AEBP2: variants seen among roughly 807,000 people sequenced by gnomAD.
The protein encoded by AEBP2 is zinc finger protein AEBP2.
In AEBP2, 10 loss-of-function variants were observed where a neutral mutation model predicts 50.8. The ratio of observed to expected loss-of-function variants is 0.20; its 90% CI spans 0.12 to 0.33. The LOEUF is 0.33. Among genes scored for constraint, AEBP2 ranks in the 10% least tolerant of loss-of-function variants. The pLI is 1.00. For missense variants in AEBP2, 570 were observed against 688.0 expected (o/e 0.83, Z 1.92); for synonymous variants, 296 against 261.3 (o/e 1.13, Z -1.28).
At chr12:19,509,816 CTTTCTTTTTT>C (rs1949206791) in intron 5 of AEBP2, among the ~76,000 whole-genome samples, 1 of 121,066 alleles carries the variant, frequency 8.3e-6, no homozygotes. Context: ...AACATGGCTA[CTTTCTTTTTT>C]TTTTTTTTTT....
chr12:19,456,630 A>G lies in AEBP2; in HGVS notation c.672-5880A>G, dbSNP rs796925489. 3.3e-6 allele frequency: 5 copies of G among 1,525,748 alleles called. No individual in the cohort carries two copies. In the South Asian group the frequency reaches 4.5e-5, roughly 14 times the overall value. The allele number at this position is 1,525,748 out of a possible 1,614,324, so 94.5% of individuals were successfully genotyped here. On this transcript the variant is annotated intron_variant, in intron 1 of 7. Coordinates refer to ENST00000266508, the MANE Select transcript of AEBP2 (RefSeq NM_153207.5). ...CTGAGCAGTGAAGCCAGCCGCTTCC[A>G]TTGGTGGGTCATCTTTGCTGTCACC...
At chr12:19,514,860 C>G (rs1203478352) in intron 7 of AEBP2, 76 bp downstream of exon 7, 5 of 1,136,322 alleles carry the variant, frequency 4.4e-6, no homozygotes, top group Non-Finnish European at 6.3e-6. Flanking sequence ...TAAATTAGGA[C>G]TTAGTTTTAA....
At chr12:19,497,436 A>G (rs2120486303) in intron 4 of AEBP2, among the ~76,000 whole-genome samples, 1 of 137,732 alleles carries the variant, frequency 7.3e-6, no homozygotes, top group African/African-American at 2.8e-5. Context: ...TTAGGTTGTC[A>G]GTTTGTGATC....
chr12:19,511,296 C>A (rs1219846822), intron 5 of AEBP2, among the ~76,000 whole-genome samples: 3 of 152,192 alleles, frequency 2.0e-5, no homozygotes, highest in African/African-American at 7.2e-5. Flanking sequence ...ATTAATGCTG[C>A]TGGTGCACAG....
chr12:19,492,764 C>G (rs1418608499), intron 3 of AEBP2, among the ~76,000 whole-genome samples: 1 of 152,060 alleles, frequency 6.6e-6, no homozygotes, highest in Non-Finnish European at 1.5e-5. Context: ...CCCAGGAGTT[C>G]AGGACCAGCT....
chr12:19,454,577 T>C (rs967787611), intron 1 of AEBP2, among the ~76,000 whole-genome samples: 1 of 152,208 alleles, frequency 6.6e-6, no homozygotes, highest in Non-Finnish European at 1.5e-5. Flanking sequence ...AATTCTGAAA[T>C]TCGTAGATTT....
rs1949351798 is a variant in AEBP2, at chr12:19,518,474, T to C, written c.*357T>C. ...CTTTTCTTCCCTTTAGTGATTTCAG[T>C]AGTTTATATTGGAAAGAAAAACAAT... On this transcript the variant is annotated 3_prime_UTR_variant, in exon 8 of 8. Transcript: ENST00000266508. 1 of 1,243,974 alleles carries C rather than the reference T, an allele frequency of 8.0e-7. No individual in the cohort carries two copies. The highest frequency in any genetic ancestry group is 1.0e-6 in the Non-Finnish European group (1 of 992,088). 77.1% of individuals were successfully genotyped at this position (1,243,974 alleles called of 1,614,324 possible).
Position 19,458,585 on chromosome 12 carries a change from C to G in AEBP2, c.672-3925C>G, listed in dbSNP as rs139464630. On this transcript the variant is annotated intron_variant, in intron 1 of 7. Coordinates refer to ENST00000266508, the MANE Select transcript of AEBP2 (RefSeq NM_153207.5). The stretch of plus-strand genomic sequence containing the variant: ...TCACACATAGACTCAACAATGATTA[C>G]CGTTACCAGATTTTGGACTTTTTTA... Among the ~76,000 whole-genome samples the G allele has an allele frequency of 3.4e-3, 513 of 152,264 alleles. 1 individual carries two copies. The highest frequency in any genetic ancestry group is 0.012 in the African/African-American group (494 of 41,528).
intron 3 of AEBP2, among the ~76,000 whole-genome samples, chr12:19,487,568 AT>A (rs1432670160): frequency 6.6e-6 from 1 of 152,130 alleles, no homozygotes; most frequent in African/African-American, 2.4e-5. Context: ...AAATACAAAA[AT>A]TAGCCAAGTG....
intron 3 of AEBP2, among the ~76,000 whole-genome samples, chr12:19,482,738 A>G (rs1373854278): frequency 1.3e-5 from 2 of 152,124 alleles, no homozygotes; most frequent in East Asian, 3.9e-4. Context: ...GCTCAGACTC[A>G]CTTTCATTAG....
intron 1 of AEBP2, among the ~76,000 whole-genome samples, chr12:19,422,480 A>G (rs2095746318): frequency 7.3e-6 from 1 of 136,864 alleles, no homozygotes; most frequent in Admixed American, 7.8e-5. Flanking sequence ...AGTAATTAGC[A>G]AAAGGGATGC....
At chr12:19,423,064 C>CAAAAAAAAAAAAAAAA (rs751550689) in intron 1 of AEBP2, among the ~76,000 whole-genome samples, 1 of 35,034 alleles carries the variant, frequency 2.9e-5, no homozygotes, top group South Asian at 2.5e-3. Context: ...GACTCTGTCT[C>CAAAAAAAAAAAAAAAA]AAAAAAAAAA....
intron 1 of AEBP2, among the ~76,000 whole-genome samples, chr12:19,416,230 C>T (rs968199668): frequency 2.0e-5 from 3 of 152,114 alleles, no homozygotes; most frequent in African/African-American, 7.2e-5. Flanking sequence ...TTACTTGTAT[C>T]TGCCAAACAG....
At chr12:19,484,775 G>A (rs1212474658) in intron 3 of AEBP2, among the ~76,000 whole-genome samples, 1 of 151,224 alleles carries the variant, frequency 6.6e-6, no homozygotes, top group Non-Finnish European at 1.5e-5. Context: ...TTTTTTTTAA[G>A]TAAGTGGTCT....
intron 1 of AEBP2, among the ~76,000 whole-genome samples, chr12:19,409,013 A>G (rs2095737846): frequency 3.3e-5 from 5 of 152,122 alleles, no homozygotes; most frequent in African/African-American, 4.8e-5. Flanking sequence ...ATATAAGCAA[A>G]CACATATCTA....
intron 1 of AEBP2, chr12:19,413,584 TA>T (rs143959261): frequency 4.6e-4 from 278 of 598,416 alleles, no homozygotes; most frequent in Middle Eastern, 9.4e-4. Context: ...TTATGCAAAA[TA>T]AAAAAAAAGA....
chr12:19,485,948 C>CTT lies in AEBP2; in HGVS notation c.988-7833_988-7832dup, dbSNP rs60355570. Among the ~76,000 whole-genome samples the CTT allele has an allele frequency of 1.8e-3, 164 of 91,206 alleles. 1 individual carries two copies. Among genetic ancestry groups the CTT allele is most frequent in the East Asian group, 0.011 (30 of 2,824 alleles). The allele number at this position is 91,206 out of a possible 152,430, so 59.8% of individuals were successfully genotyped here. ...AGGTGATGTTTGAGGTGAGCCTCTG[C>CTT]TTTTTTTTTTTTTTTTTTTTCATTT... On this transcript the variant is annotated intron_variant, in intron 3 of 7. Transcript: ENST00000266508.
At chr12:19,448,499 G>A (rs1018199967) in intron 1 of AEBP2, among the ~76,000 whole-genome samples, 2 of 150,308 alleles carry the variant, frequency 1.3e-5, no homozygotes, top group Non-Finnish European at 3.0e-5. Flanking sequence ...AAAAAAAAAA[G>A]TAAAGATCAG....
At chr12:19,407,105 C>T (rs531094866) in intron 1 of AEBP2, among the ~76,000 whole-genome samples, 1 of 152,192 alleles carries the variant, frequency 6.6e-6, no homozygotes, top group Non-Finnish European at 1.5e-5. Flanking sequence ...AATTTGAGAA[C>T]ATTATGAACA....
Sources: gnomAD v4.1 joint callset for allele counts (sites outside exome capture counted in the v4.1 genomes callset) on GRCh38, gnomAD v4.1.1 for gene constraint, MANE v1.5 for transcripts, NCBI Gene and HGNC (gene_info 2026-07-23, HGNC 2026-07-21) for gene names.